The following ERC2 variants were observed in gnomAD, a reference collection of about 807,000 sequenced individuals.
ERC2 encodes ELKS/RAB6-interacting/CAST family member 2.
In ERC2, 42 loss-of-function variants were observed where a neutral mutation model predicts 114.8. That is an observed-to-expected ratio of 0.37 (90% confidence interval 0.29 to 0.47). The LOEUF (loss-of-function observed/expected upper bound fraction) is 0.47, where lower values mean the gene tolerates loss of function less well. ERC2 is among the 20% of genes least tolerant of loss of function. The probability of loss-of-function intolerance (pLI) is 0.99; values close to 1 mark genes in which losing one functional copy is unlikely to be tolerated. For synonymous variants in ERC2, 454 were observed against 425.5 expected (o/e 1.07, Z -0.82); for missense variants, 939 against 1,150.7 (o/e 0.82, Z 2.66).
intron 14 of ERC2, among the ~76,000 whole-genome samples, chr3:55,773,665 C>T (rs2068390362): frequency 6.6e-6 from 1 of 152,192 alleles, no homozygotes; most frequent in South Asian, 2.1e-4. Context: ...ACAAAGTAGG[C>T]CCCCAGTCAA....
chr3:56,318,590 CAA>C (rs750926050), intron 2 of ERC2, among the ~76,000 whole-genome samples: 1 of 136,550 alleles, frequency 7.3e-6, no homozygotes. Context: ...AACTCAAAAG[CAA>C]AAAAAAAAAG....
At chr3:56,370,336 C>A (rs532997323) in intron 2 of ERC2, among the ~76,000 whole-genome samples, 1 of 152,166 alleles carries the variant, frequency 6.6e-6, no homozygotes, top group African/African-American at 2.4e-5. Context: ...TAGTGATGGA[C>A]AATTGCATTG....
chr3:56,221,759 CAG>C (rs1244497924), intron 3 of ERC2, among the ~76,000 whole-genome samples: 1 of 152,124 alleles, frequency 6.6e-6, no homozygotes, highest in Non-Finnish European at 1.5e-5. Flanking sequence ...AAAAAATTTG[CAG>C]AGTGTGGTAG....
chr3:55,857,406 T>C (rs2061837483), intron 14 of ERC2, among the ~76,000 whole-genome samples: 2 of 152,282 alleles, frequency 1.3e-5, no homozygotes, highest in South Asian at 4.2e-4. Context: ...TTTTTTTTAA[T>C]TGTGGCAAAT....
intron 2 of ERC2, among the ~76,000 whole-genome samples, chr3:56,327,245 G>C (rs1364460446): frequency 6.6e-6 from 1 of 152,164 alleles, no homozygotes; most frequent in Non-Finnish European, 1.5e-5. Context: ...TCATGGCAGA[G>C]GGCAAAGAGA....
chr3:56,127,585 C>T (rs904263939), intron 6 of ERC2, among the ~76,000 whole-genome samples: 4 of 151,986 alleles, frequency 2.6e-5, no homozygotes, highest in Middle Eastern at 3.4e-3. Context: ...TAGCTGGGCA[C>T]GGTGGCAGAT....
chr3:56,083,682 T>C (rs981250119), intron 6 of ERC2, among the ~76,000 whole-genome samples: 1 of 152,098 alleles, frequency 6.6e-6, no homozygotes, highest in Admixed American at 6.5e-5. Flanking sequence ...AATTACCTTA[T>C]AACACAACTG....
intron 12 of ERC2, among the ~76,000 whole-genome samples, chr3:55,968,425 C>G (rs1041506690): frequency 2.0e-5 from 3 of 152,130 alleles, no homozygotes; most frequent in African/African-American, 7.2e-5. Context: ...ATTTCCTGGG[C>G]AATTAATCAA....
At chr3:55,528,411 T>C (rs184518040) in intron 17 of ERC2, among the ~76,000 whole-genome samples, 47 of 152,358 alleles carry the variant, frequency 3.1e-4, no homozygotes, top group African/African-American at 1.1e-3. Context: ...TGAATTCTTA[T>C]TTAAAATGAG....
intron 17 of ERC2, among the ~76,000 whole-genome samples, chr3:55,640,957 T>A (rs965077357): frequency 6.6e-6 from 1 of 152,186 alleles, no homozygotes; most frequent in African/African-American, 2.4e-5. Context: ...CTTAGCCATA[T>A]AGTAATTGGT....
chr3:55,655,319 T>A (rs1181255178), intron 17 of ERC2, among the ~76,000 whole-genome samples: 3 of 151,864 alleles, frequency 2.0e-5, no homozygotes, highest in Admixed American at 6.6e-5. Flanking sequence ...CAAAGAAGAG[T>A]CTGCTTCCAG....
At chr3:55,765,967 C>A (rs1214777159) in intron 14 of ERC2, among the ~76,000 whole-genome samples, 3 of 152,188 alleles carry the variant, frequency 2.0e-5, no homozygotes, top group African/African-American at 4.8e-5. Flanking sequence ...AAAGAGAAGT[C>A]TTTTAAACAT....
intron 7 of ERC2, among the ~76,000 whole-genome samples, chr3:56,037,454 A>T (rs1264727673): frequency 1.3e-5 from 2 of 152,216 alleles, no homozygotes; most frequent in African/African-American, 4.8e-5. Context: ...AGAATCTCAG[A>T]GCTTAAAGAC....
intron 17 of ERC2, among the ~76,000 whole-genome samples, chr3:55,655,989 C>T (rs1163943526): frequency 6.6e-6 from 1 of 152,214 alleles, no homozygotes; most frequent in Non-Finnish European, 1.5e-5. Flanking sequence ...AACTTATCCA[C>T]TTAGCTAGTA....
chr3:56,236,739 AACATCT>A (rs2050974585), intron 3 of ERC2, among the ~76,000 whole-genome samples: 1 of 152,172 alleles, frequency 6.6e-6, no homozygotes, highest in African/African-American at 2.4e-5. Flanking sequence ...CCATAGAACT[AACATCT>A]ACTAAGTGAC....
intron 3 of ERC2, among the ~76,000 whole-genome samples, chr3:56,268,005 G>C (rs940956547): frequency 6.6e-6 from 1 of 152,092 alleles, no homozygotes; most frequent in African/African-American, 2.4e-5. Flanking sequence ...ATCAAGAAAG[G>C]TAACTACATG....
chr3:56,465,755 T>C (rs1487449195), intron 1 of ERC2, among the ~76,000 whole-genome samples: 2 of 152,278 alleles, frequency 1.3e-5, no homozygotes, highest in African/African-American at 4.8e-5. Context: ...ATGTTTCTAC[T>C]GGAAATATAT....
At chr3:56,041,772 A>G (rs1485911451) in intron 7 of ERC2, among the ~76,000 whole-genome samples, 2 of 152,146 alleles carry the variant, frequency 1.3e-5, no homozygotes, top group Non-Finnish European at 1.5e-5. Context: ...TCAGGTCCCT[A>G]GCCAATCCAC....
At chr3:55,967,253 T>C (rs1458059) in intron 12 of ERC2, among the ~76,000 whole-genome samples, 40,516 of 152,160 alleles carry the variant, frequency 0.27, 5,697 homozygotes, top group Admixed American at 0.34. Context: ...AAAGTCATAT[T>C]GTATAGATGG....
Sources: gnomAD v4.1 joint callset for allele counts (sites outside exome capture counted in the v4.1 genomes callset) on GRCh38, gnomAD v4.1.1 for gene constraint, MANE v1.5 for transcripts, NCBI Gene and HGNC (gene_info 2026-07-23, HGNC 2026-07-21) for gene names.